The following ANXA8 variants were observed in gnomAD, a reference collection of about 807,000 sequenced individuals.
ANXA8 encodes VAC-beta.
ANXA8 carries 9 observed loss-of-function variants against 26.8 expected under a neutral mutation model. The observed-to-expected ratio is 0.34, with a 90% CI of 0.20 to 0.59. The LOEUF (loss-of-function observed/expected upper bound fraction) is 0.59. Ranked by LOEUF, ANXA8 falls within the 20% of genes least tolerant of loss-of-function variation. ANXA8 has a pLI of 0.84. For missense variants in ANXA8, 83 were observed against 238.5 expected (o/e 0.35, Z 4.29); for synonymous variants, 39 against 94.8 (o/e 0.41, Z 3.42).
the ANXA8 span, among the ~76,000 whole-genome samples, chr10:47,739,955 A>T: frequency 4.8e-5 from 4 of 84,160 alleles, no homozygotes; most frequent in Admixed American, 4.3e-4. Context: ...AAAAAAAAAA[A>T]AATTAGCCAG....
At chr10:47,703,570 G>GAA in the ANXA8 span, among the ~76,000 whole-genome samples, 1 of 117,546 alleles carries the variant, frequency 8.5e-6, no homozygotes. Flanking sequence ...TCTGTCTCAA[G>GAA]AAAAAAAAAA....
At chr10:47,593,279 C>A in the ANXA8 span, among the ~76,000 whole-genome samples, 1 of 149,540 alleles carries the variant, frequency 6.7e-6, no homozygotes. Context: ...GTGCAGCCTG[C>A]CAAAGCACCA....
the ANXA8 span, chr10:47,565,849 G>C: frequency 7.8e-7 from 1 of 1,289,008 alleles, no homozygotes; most frequent in East Asian, 3.1e-5. Context: ...CCCGGGACGC[G>C]CGGACCAGCT....
At chr10:47,626,535 C>T in the ANXA8 span, among the ~76,000 whole-genome samples, 4 of 149,684 alleles carry the variant, frequency 2.7e-5, no homozygotes, top group Non-Finnish European at 5.9e-5. Flanking sequence ...AGTTTTAGAA[C>T]GTTAAAGTTT....
chr10:47,687,925 C>T, the ANXA8 span, among the ~76,000 whole-genome samples: 2 of 151,678 alleles, frequency 1.3e-5, no homozygotes, highest in Non-Finnish European at 2.9e-5. Context: ...CATGGTGACA[C>T]CCCATCTCTA....
At chr10:47,736,562 A>C in the ANXA8 span, among the ~76,000 whole-genome samples, 11 of 148,732 alleles carry the variant, frequency 7.4e-5, no homozygotes, top group African/African-American at 2.8e-4. Flanking sequence ...CACTCTCTCT[A>C]AACTGAATGG....
At chr10:47,691,613 A>T in the ANXA8 span, among the ~76,000 whole-genome samples, 1 of 150,100 alleles carries the variant, frequency 6.7e-6, no homozygotes, top group Non-Finnish European at 1.5e-5. Flanking sequence ...CTCTACAAAA[A>T]ATAAATTAAG....
chr10:47,942,213 T>C, the ANXA8 span, among the ~76,000 whole-genome samples: 2 of 146,484 alleles, frequency 1.4e-5, no homozygotes, highest in African/African-American at 5.3e-5. Flanking sequence ...GTGAAAAGCC[T>C]GTCCAGGAAG....
chr10:47,761,106 A>G, the ANXA8 span, among the ~76,000 whole-genome samples: 5 of 146,304 alleles, frequency 3.4e-5, no homozygotes, highest in South Asian at 4.3e-4. Flanking sequence ...ACACACGCAC[A>G]CACACACACA....
At chr10:47,661,054 T>C in the ANXA8 span, among the ~76,000 whole-genome samples, 18 of 148,352 alleles carry the variant, frequency 1.2e-4, no homozygotes, top group South Asian at 2.7e-3. Context: ...CCATCCTTCC[T>C]TTTATTTTGT....
chr10:47,525,864 G>A, the ANXA8 span, among the ~76,000 whole-genome samples: 1 of 125,150 alleles, frequency 8.0e-6, no homozygotes, highest in African/African-American at 3.1e-5. Flanking sequence ...GACTGCAATG[G>A]CGTGATCTTG....
At chr10:47,535,569 A>C in the ANXA8 span, among the ~76,000 whole-genome samples, 1 of 147,596 alleles carries the variant, frequency 6.8e-6, no homozygotes, top group Non-Finnish European at 1.5e-5. Context: ...AAATAGCAAA[A>C]AAAATTTTTT....
chr10:47,565,663 C>T, the ANXA8 span: 94 of 380,242 alleles, frequency 2.5e-4, no homozygotes, highest in Non-Finnish European at 1.1e-4. Flanking sequence ...CCTGGCCAGC[C>T]GGCCAGCCCC....
chr10:47,778,031 C>A, the ANXA8 span, among the ~76,000 whole-genome samples: 2 of 152,008 alleles, frequency 1.3e-5, no homozygotes, highest in Non-Finnish European at 2.9e-5. Context: ...ACTCATGGTT[C>A]TTTGGTAACA....
chr10:47,658,165 C>A, the ANXA8 span, among the ~76,000 whole-genome samples: 6 of 151,766 alleles, frequency 4.0e-5, no homozygotes, highest in Non-Finnish European at 8.8e-5. Context: ...ATCAAGAGAT[C>A]GAGACCATCC....
the ANXA8 span, among the ~76,000 whole-genome samples, chr10:47,944,966 C>T: frequency 5.4e-5 from 8 of 149,426 alleles, no homozygotes; most frequent in Non-Finnish European, 1.2e-4. Flanking sequence ...ACTCTCTGCA[C>T]TCTCTCCTGC....
At chr10:47,734,110 G>A in the ANXA8 span, among the ~76,000 whole-genome samples, 57 of 145,774 alleles carry the variant, frequency 3.9e-4, no homozygotes, top group Non-Finnish European at 7.5e-4. Flanking sequence ...GCTCCAGGAG[G>A]CTGCCACGTG....
chr10:47,502,361 G>C, the ANXA8 span: 2 of 1,608,412 alleles, frequency 1.2e-6, no homozygotes, highest in Non-Finnish European at 1.7e-6. Context: ...CGCAGCAGCT[G>C]CTGGCCCAGG....
chr10:47,700,279 A>C, the ANXA8 span, among the ~76,000 whole-genome samples: 43 of 151,940 alleles, frequency 2.8e-4, no homozygotes, highest in Admixed American at 2.8e-3. Flanking sequence ...TAATTAAAAC[A>C]GTGAAGTACT....
Sources: allele counts gnomAD v4.1 joint callset (sites outside exome capture counted in the v4.1 genomes callset), GRCh38; gene constraint gnomAD v4.1.1; transcripts MANE v1.5; gene names NCBI Gene and HGNC (gene_info 2026-07-23, HGNC 2026-07-21).